Variants in HCN1 observed in about 807,000 individuals in gnomAD.
The protein encoded by HCN1 is hyperpolarization activated cyclic nucleotide gated potassium channel 1.
HCN1 carries 13 observed loss-of-function variants against 78.9 expected under a neutral mutation model. That is an observed-to-expected ratio of 0.16 (90% CI 0.11 to 0.26). The LOEUF (loss-of-function observed/expected upper bound fraction) is 0.26. Ranked by LOEUF, HCN1 falls within the 10% of genes least tolerant of loss-of-function variation. The pLI is 1.00. For missense variants in HCN1, 810 were observed against 1,154.3 expected (o/e 0.70, Z 4.32); for synonymous variants, 552 against 455.5 (o/e 1.21, Z -2.70).
chr5:45,447,365 C>T (rs1439415106), intron 3 of HCN1, among the ~76,000 whole-genome samples: 1 of 152,158 alleles, frequency 6.6e-6, no homozygotes, highest in East Asian at 1.9e-4. Context: ...ACTTAAGCCT[C>T]TTGAGTAGCT....
intron 2 of HCN1, among the ~76,000 whole-genome samples, chr5:45,497,899 T>G (rs1009304961): frequency 2.0e-5 from 3 of 152,232 alleles, no homozygotes; most frequent in East Asian, 1.9e-4. Context: ...TCTTTAAGAA[T>G]GTTGAATATT....
rs201530162 is a variant in HCN1, at chr5:45,342,400, T to TA, written c.1377+10699_1377+10700insT. On this transcript the variant is annotated intron_variant, in intron 5 of 7. Transcript: ENST00000303230. ...GCATGCCACTACACCTGGCTATTTT[T>TA]TTTTTTTTTGTATTTTTTATTAGAG... is the stretch of plus-strand genomic sequence containing the variant. Among the ~76,000 whole-genome samples, 994 of 151,532 alleles carry TA rather than the reference T, an allele frequency of 6.6e-3. 2 individuals carry two copies. The highest frequency in any genetic ancestry group is 9.6e-3 in the Non-Finnish European group (650 of 67,902).
intron 2 of HCN1, among the ~76,000 whole-genome samples, chr5:45,472,007 A>G (rs2111652948): frequency 6.6e-6 from 1 of 152,070 alleles, no homozygotes; most frequent in Middle Eastern, 3.4e-3. Flanking sequence ...TTCACTAGAC[A>G]TTCAAGAAAT....
intron 2 of HCN1, among the ~76,000 whole-genome samples, chr5:45,598,354 G>A (rs1380465155): frequency 3.3e-5 from 5 of 152,106 alleles, no homozygotes; most frequent in Admixed American, 3.3e-4. Flanking sequence ...GGGAAAACTG[G>A]CTAGCCATAT....
intron 6 of HCN1, among the ~76,000 whole-genome samples, chr5:45,289,423 T>G (rs1745330103): frequency 6.6e-6 from 1 of 152,112 alleles, no homozygotes; most frequent in Non-Finnish European, 1.5e-5. Context: ...GAGACATTTA[T>G]GTCACTTTTG....
chr5:45,634,714 C>G lies in HCN1; in HGVS notation c.849+10471G>C, dbSNP rs191633141. ...GGAGAAGAAAGAGGAGTGATCTTTA[C>G]TAGATTAAAGATTATCTAGAGCTAC... On this transcript the variant is annotated intron_variant, in intron 2 of 7. Transcript: ENST00000303230. Among the ~76,000 whole-genome samples, 7 of 152,078 alleles carry G rather than the reference C, an allele frequency of 4.6e-5. No homozygotes were observed. The East Asian group carries it at 1.4e-3, about 29-fold the overall frequency.
chr5:45,422,213 T>C (rs947936856), intron 3 of HCN1, among the ~76,000 whole-genome samples: 2 of 152,224 alleles, frequency 1.3e-5, no homozygotes, highest in Non-Finnish European at 2.9e-5. Flanking sequence ...TGTCCAATCA[T>C]ACTTCTACAT....
intron 6 of HCN1, 30 bp from the exon 7 acceptor site, chr5:45,267,283 C>A (rs1279085646): frequency 1.9e-6 from 3 of 1,607,246 alleles, no homozygotes; most frequent in Non-Finnish European, 2.6e-6. Context: ...AGAAGAATGA[C>A]TTGTTTGATC....
Position 45,256,186 on chromosome 5 carries a change from C to A in HCN1, c.*5735G>T, listed in dbSNP as rs1744609997. On this transcript the variant is annotated 3_prime_UTR_variant, in exon 8 of 8. Transcript: ENST00000303230. ...AGGGGTTCGAGACCGGCCTGGCCAA[C>A]ATGGTAAAACCCTGTCTCTACTAAA... 6.6e-6 allele frequency: 1 copy of A among 151,944 alleles called. No individual in the cohort carries two copies. Among genetic ancestry groups the A allele is most frequent in the African/African-American group, 2.4e-5 (1 of 41,358 alleles). The allele number at this position is 151,944 out of a possible 1,614,324, so 9.4% of individuals were successfully genotyped here. A position where few individuals can be genotyped will look rare whatever the true frequency, so the allele number is the denominator to read the frequency against.
intron 2 of HCN1, among the ~76,000 whole-genome samples, chr5:45,595,757 C>A (rs1744479015): frequency 6.6e-6 from 1 of 151,704 alleles, no homozygotes; most frequent in East Asian, 1.9e-4. Context: ...AAAAACCAAA[C>A]AACCAAATGT....
chr5:45,581,039 T>C (rs1368510661), intron 2 of HCN1, among the ~76,000 whole-genome samples: 2 of 152,224 alleles, frequency 1.3e-5, no homozygotes, highest in Admixed American at 1.3e-4. Flanking sequence ...TTATAACCCT[T>C]TGGGTATCTA....
chr5:45,304,263 T>A (rs1183540605), intron 5 of HCN1, among the ~76,000 whole-genome samples: 1 of 151,644 alleles, frequency 6.6e-6, no homozygotes, highest in African/African-American at 2.4e-5. Context: ...CTCCTTTTTG[T>A]CTGGGCCCAG....
intron 2 of HCN1, chr5:45,617,547 T>C (rs1428894701): frequency 6.6e-6 from 1 of 152,140 alleles, no homozygotes; most frequent in Non-Finnish European, 1.5e-5. Context: ...TCCATTGGCA[T>C]GAACTTGGCC....
chr5:45,340,859 T>C (rs926076385), intron 5 of HCN1, among the ~76,000 whole-genome samples: 1 of 152,198 alleles, frequency 6.6e-6, no homozygotes, highest in Non-Finnish European at 1.5e-5. Flanking sequence ...ATATGAATTA[T>C]AAAATTGAAG....
chr5:45,517,863 T>C (rs1742542651), intron 2 of HCN1, among the ~76,000 whole-genome samples: 1 of 152,084 alleles, frequency 6.6e-6, no homozygotes, highest in Non-Finnish European at 1.5e-5. Context: ...CAGCTTCTTA[T>C]GGCCTATCTT....
intron 2 of HCN1, among the ~76,000 whole-genome samples, chr5:45,507,256 C>A (rs1182522347): frequency 6.6e-6 from 1 of 152,178 alleles, no homozygotes; most frequent in Non-Finnish European, 1.5e-5. Context: ...AGTCTCTGCC[C>A]TTTTCCTTCC....
chr5:45,603,679 C>A (rs1744670517), intron 2 of HCN1, among the ~76,000 whole-genome samples: 1 of 151,938 alleles, frequency 6.6e-6, no homozygotes, highest in South Asian at 2.1e-4. Context: ...GCCAGAAAAA[C>A]CATTAAAACA....
intron 1 of HCN1, among the ~76,000 whole-genome samples, chr5:45,693,783 G>A (rs1050753118): frequency 1.3e-5 from 2 of 151,738 alleles, no homozygotes; most frequent in Admixed American, 6.5e-5. Context: ...TTTGATAAGG[G>A]ATAGTCCTTT....
At chr5:45,476,468 G>A (rs1741517687) in intron 2 of HCN1, among the ~76,000 whole-genome samples, 1 of 152,118 alleles carries the variant, frequency 6.6e-6, no homozygotes, top group Non-Finnish European at 1.5e-5. Flanking sequence ...AGACAAGGGA[G>A]GCATCAATTT....
Sources: gnomAD v4.1 joint callset for allele counts (sites outside exome capture counted in the v4.1 genomes callset) on GRCh38, gnomAD v4.1.1 for gene constraint, MANE v1.5 for transcripts, NCBI Gene and HGNC (gene_info 2026-07-23, HGNC 2026-07-21) for gene names.